SYK: variants seen among roughly 807,000 people sequenced by gnomAD.
SYK encodes spleen associated tyrosine kinase.
Under a neutral mutation model 77.8 loss-of-function variants are expected in SYK, and 16 were observed. That is an observed-to-expected ratio of 0.21 (90% CI 0.14 to 0.31). SYK has a LOEUF of 0.31. Among genes scored for constraint, SYK ranks in the 10% least tolerant of loss-of-function variants. The probability of loss-of-function intolerance (pLI) is 1.00; values close to 1 mark genes in which losing one functional copy is unlikely to be tolerated. For missense variants in SYK, 529 were observed against 814.4 expected, an observed-to-expected ratio of 0.65 and a Z score of 4.26; for synonymous variants, 312 against 308.7, an observed-to-expected ratio of 1.01 and a Z score of -0.11.
intron 13 of SYK, among the ~76,000 whole-genome samples, chr9:90,894,130 G>A (rs1057407557): frequency 6.6e-6 from 1 of 152,210 alleles, no homozygotes. Flanking sequence ...ATCCAAAGGT[G>A]CTCTTTGTAC....
At chr9:90,806,476 C>T (rs1824840414) in intron 1 of SYK, among the ~76,000 whole-genome samples, 1 of 151,994 alleles carries the variant, frequency 6.6e-6, no homozygotes, top group Non-Finnish European at 1.5e-5. Flanking sequence ...CCCAAGCAAT[C>T]CTCTTGCCTC....
At chr9:90,879,102 G>T in intron 11 of SYK, 149 bp downstream of exon 11, 3 of 554,768 alleles carry the variant, frequency 5.4e-6, no homozygotes, top group East Asian at 5.6e-5. Context: ...TATAATCTTT[G>T]ATTTTACTGT....
At chr9:90,885,017 C>A (rs984454747) in intron 11 of SYK, among the ~76,000 whole-genome samples, 12 of 144,682 alleles carry the variant, frequency 8.3e-5, no homozygotes, top group Middle Eastern at 3.7e-3. Flanking sequence ...TATATATTTT[C>A]AGGAAAAAGA....
intron 1 of SYK, among the ~76,000 whole-genome samples, chr9:90,819,900 C>G (rs1048252618): frequency 3.9e-5 from 6 of 152,202 alleles, no homozygotes; most frequent in African/African-American, 1.4e-4. Flanking sequence ...AAATCAAAAG[C>G]AAGCTAGTTA....
chr9:90,879,233 A>C (rs1291683572), intron 11 of SYK, among the ~76,000 whole-genome samples: 2 of 152,236 alleles, frequency 1.3e-5, no homozygotes, highest in African/African-American at 4.8e-5. Context: ...AAAAAAGAAG[A>C]ATGGGATTCC....
At position 90,844,318 on chromosome 9, in the gene SYK, G is replaced by A. The variant is rs1399832019; in HGVS notation, c.417+3G>A. 1 of 1,595,556 alleles carries A rather than the reference G, an allele frequency of 6.3e-7. No individual in the cohort carries two copies. The highest frequency in any genetic ancestry group is 1.1e-5 in the South Asian group (1 of 87,846). ...TGAAGCAGACATGGAACCTGCAGGT[G>A]GGCCACAGCTGGTCCTGCTCCCTGG... On this transcript the variant is annotated splice_donor_region_variant and intron_variant, in intron 2 of 13. Coordinates refer to ENST00000375754, the MANE Select transcript of SYK (RefSeq NM_003177.7).
chr9:90,888,445 T>A lies in SYK; in HGVS notation c.1723-70T>A, dbSNP rs150707797. The stretch of plus-strand genomic sequence containing the variant: ...ATGTGTACTCCTTCATGTCTTGGAG[T>A]GGCTGTTTTGTTTTGTTTGACTAAC... On this transcript the variant is annotated intron_variant, in intron 12 of 13. Coordinates refer to ENST00000375754, the MANE Select transcript of SYK (RefSeq NM_003177.7). 89 of 1,074,682 alleles carry A rather than the reference T, an allele frequency of 8.3e-5. No individual in the cohort carries two copies. The East Asian group carries it at 2.2e-3, about 27-fold the overall frequency. The allele number at this position is 1,074,682 out of a possible 1,614,324, so 66.6% of individuals were successfully genotyped here.
rs1483588477 is a variant in SYK at position 90,898,023 on chromosome 9, C to G, written c.*2423C>G. 4.4e-6 allele frequency: 1 copy of G among 229,574 alleles called. No individual in the cohort carries two copies. The highest frequency in any genetic ancestry group is 8.6e-6 in the Non-Finnish European group (1 of 115,902). 14.2% of individuals were successfully genotyped at this position (229,574 alleles called of 1,614,324 possible). On this transcript the variant is annotated 3_prime_UTR_variant, in exon 14 of 14. Coordinates refer to ENST00000375754, the MANE Select transcript of SYK (RefSeq NM_003177.7). Reference sequence around the variant, plus strand: ...TAGAGCAGCTAGCTTGGGCTGGATTCTCATACCCAGGCTGCCCCTTGGATT... The same window carrying G: ...TAGAGCAGCTAGCTTGGGCTGGATTGTCATACCCAGGCTGCCCCTTGGATT...
chr9:90,817,866 TGTGTGTGTGTGTGTGTGA>T (rs11272485), intron 1 of SYK, among the ~76,000 whole-genome samples: 62,796 of 140,270 alleles, frequency 0.45, 14,031 homozygotes, highest in South Asian at 0.54. Context: ...TGTGTGTGTG[TGTGTGTGTGTGTGTGTGA>T]GAGAGAGAGA....
At chr9:90,816,550 C>A (rs988599540) in intron 1 of SYK, among the ~76,000 whole-genome samples, 3 of 152,188 alleles carry the variant, frequency 2.0e-5, no homozygotes, top group African/African-American at 7.2e-5. Flanking sequence ...TTTAATCTTA[C>A]ATAATTATGG....
intron 1 of SYK, among the ~76,000 whole-genome samples, chr9:90,814,018 G>C (rs1825199302): frequency 6.6e-6 from 1 of 152,150 alleles, no homozygotes; most frequent in Non-Finnish European, 1.5e-5. Context: ...AGAGACCATG[G>C]CATGGAGAGT....
At chr9:90,845,686 A>T in intron 3 of SYK, 92 bp downstream of exon 3, 1 of 1,479,588 alleles carries the variant, frequency 6.8e-7, no homozygotes, top group Non-Finnish European at 9.2e-7. Context: ...GCCCCACATG[A>T]CCCTGGGAAG....
chr9:90,845,509 A>G lies in SYK; in HGVS notation c.493A>G (p.Lys165Glu). The change falls in exon 3 of 14, where the codon AAA (lysine) becomes GAA (glutamate). Residue 165 changes from lysine to glutamate, a missense_variant. Lys to Glu is a moderately conservative substitution (Grantham distance 56, BLOSUM62 1). This residue lies in a region of SYK where 321 missense variants were observed against 433.1 expected (regional missense o/e 0.74). Coordinates refer to ENST00000375754, the MANE Select transcript of SYK (RefSeq NM_003177.7). The stretch of plus-strand genomic sequence containing the variant: ...GCTGATCGCTACCACAGCCCATGAA[A>G]AAATGCCTTGGTTCCATGGAAAAAT... ...EKLIATTAHE[K>E]MPWFHGKISR... is the part of the protein sequence containing the mutation. 1.9e-6 allele frequency: 3 copies of G among 1,614,238 alleles called. No homozygotes were observed. The highest frequency in any genetic ancestry group is 2.5e-6 in the Non-Finnish European group (3 of 1,180,046).
intron 1 of SYK, among the ~76,000 whole-genome samples, chr9:90,807,059 G>A (rs1824867193): frequency 6.6e-6 from 1 of 152,242 alleles, no homozygotes; most frequent in South Asian, 2.1e-4. Flanking sequence ...GAAATAAAGT[G>A]CAGCAAGCAG....
chr9:90,807,656 G>A (rs566561358), intron 1 of SYK, among the ~76,000 whole-genome samples: 2 of 152,314 alleles, frequency 1.3e-5, no homozygotes, highest in South Asian at 4.1e-4. Context: ...AACTACAATT[G>A]CCAAAGTTAG....
intron 11 of SYK, among the ~76,000 whole-genome samples, chr9:90,884,150 T>TGTATATATATATATATACACATAC (rs148870003): frequency 1.4e-5 from 1 of 71,456 alleles, no homozygotes; most frequent in South Asian, 4.7e-4. Flanking sequence ...TATATGTGTG[T>TGTATATATATATATATACACATAC]GTGTATATAT....
At position 90,897,275 on chromosome 9, in the gene SYK, G is replaced by A. The variant is rs1192498449; in HGVS notation, c.*1675G>A. The A allele has an allele frequency of 1.7e-5, 4 of 230,526 alleles. No individual in the cohort carries two copies. The highest frequency in any genetic ancestry group is 2.6e-5 in the Non-Finnish European group (3 of 116,332). The allele number at this position is 230,526 out of a possible 1,614,324, so 14.3% of individuals were successfully genotyped here. The stretch of plus-strand genomic sequence containing the variant: ...AACTTGTGTTTAGAAGTTTTTGGTA[G>A]CCACGCACACTTTCTGAAATCACAC... On this transcript the variant is annotated 3_prime_UTR_variant, in exon 14 of 14. Coordinates refer to ENST00000375754, the MANE Select transcript of SYK (RefSeq NM_003177.7).
At chr9:90,817,908 AGG>A in intron 1 of SYK, among the ~76,000 whole-genome samples, 1 of 150,838 alleles carries the variant, frequency 6.6e-6, no homozygotes, top group African/African-American at 2.4e-5. Flanking sequence ...AGAGAGAGAG[AGG>A]GTGAAAGAGA....
chr9:90,895,702 G>C lies in SYK; in HGVS notation c.*102G>C. On this transcript the variant is annotated 3_prime_UTR_variant, in exon 14 of 14. Coordinates refer to ENST00000375754, the MANE Select transcript of SYK (RefSeq NM_003177.7). The surrounding 1 kb of genome is among the most constrained non-coding windows in gnomAD (Gnocchi z 4.4). The stretch of plus-strand genomic sequence containing the variant: ...TCAGCCACCTCCCTCTGCCAGTCGG[G>C]AGAGCCAGGCTTGGATGGAACATGC... The C allele has an allele frequency of 8.9e-7, 1 of 1,126,048 alleles. No individual in the cohort carries two copies. The highest frequency in any genetic ancestry group is 1.3e-6 in the Non-Finnish European group (1 of 759,298). 69.8% of individuals were successfully genotyped at this position (1,126,048 alleles called of 1,614,324 possible). A position where few individuals can be genotyped will look rare whatever the true frequency, so the allele number is the denominator to read the frequency against.
Sources: gnomAD v4.1 joint callset for allele counts (sites outside exome capture counted in the v4.1 genomes callset) on GRCh38, gnomAD v4.1.1 for gene constraint, gnomAD v4.1.1 regional missense constraint, Gnocchi (gnomAD v3.1) non-coding constraint, MANE v1.5 for transcripts, NCBI Gene and HGNC (gene_info 2026-07-23, HGNC 2026-07-21) for gene names.